Variants in PDE4B observed in about 807,000 individuals in gnomAD.
PDE4B encodes the protein 3',5'-cyclic-AMP phosphodiesterase 4B.
Under a neutral mutation model 82.2 loss-of-function variants are expected in PDE4B, and 20 were observed. The ratio of observed to expected loss-of-function variants is 0.24; its 90% CI spans 0.17 to 0.35. PDE4B has a LOEUF of 0.35. Ranked by LOEUF, PDE4B falls within the 10% of genes least tolerant of loss-of-function variation. The probability of loss-of-function intolerance (pLI) is 1.00; values close to 1 mark genes in which losing one functional copy is unlikely to be tolerated. For missense variants in PDE4B, 655 were observed against 907.2 expected, an observed-to-expected ratio of 0.72 and a Z score of 3.57; for synonymous variants, 320 against 318.9, an observed-to-expected ratio of 1.00 and a Z score of -0.04.
intron 3 of PDE4B, among the ~76,000 whole-genome samples, chr1:66,214,591 A>T (rs1484651740): frequency 6.6e-6 from 1 of 152,142 alleles, no homozygotes; most frequent in African/African-American, 2.4e-5. Flanking sequence ...GCCTTGCTTG[A>T]TCTGAACACC....
At chr1:66,080,334 G>A (rs1656658020) in intron 3 of PDE4B, among the ~76,000 whole-genome samples, 1 of 152,058 alleles carries the variant, frequency 6.6e-6, no homozygotes, top group African/African-American at 2.4e-5. Flanking sequence ...TGAAAACTGA[G>A]CAAATAAGAT....
At chr1:66,274,741 G>C (rs10493401) in intron 7 of PDE4B, among the ~76,000 whole-genome samples, 3,333 of 152,260 alleles carry the variant, frequency 0.022, 48 homozygotes, top group African/African-American at 0.041. Context: ...CCCAGTGTTA[G>C]TATTGGTGTT....
chr1:66,060,423 G>A (rs1228889056), intron 3 of PDE4B, among the ~76,000 whole-genome samples: 1 of 152,122 alleles, frequency 6.6e-6, no homozygotes, highest in Non-Finnish European at 1.5e-5. Context: ...CACTCTTTAT[G>A]TGCTTTCCAA....
intron 1 of PDE4B, among the ~76,000 whole-genome samples, chr1:65,825,739 T>TATCTATCTA (rs1553188319): frequency 2.0e-5 from 3 of 151,970 alleles, no homozygotes; most frequent in African/African-American, 7.2e-5. Context: ...TCTATCTATC[T>TATCTATCTA]ATCTATCTAT....
At chr1:66,207,381 A>T (rs559739811) in intron 3 of PDE4B, among the ~76,000 whole-genome samples, 45 of 152,312 alleles carry the variant, frequency 3.0e-4, no homozygotes, top group African/African-American at 1.1e-3. Flanking sequence ...CCAATTATTT[A>T]CATAGATGAT....
chr1:66,041,567 T>C (rs1654373484), intron 3 of PDE4B, among the ~76,000 whole-genome samples: 1 of 151,946 alleles, frequency 6.6e-6, no homozygotes, highest in South Asian at 2.1e-4. Context: ...AACTTACTTC[T>C]TCACTTGCCT....
intron 3 of PDE4B, among the ~76,000 whole-genome samples, chr1:65,969,532 C>T (rs1385423948): frequency 6.6e-6 from 1 of 152,112 alleles, no homozygotes; most frequent in Non-Finnish European, 1.5e-5. Flanking sequence ...ACTTGGTTAG[C>T]TTAGCAATGT....
In PDE4B at chr1:65,887,414, GT is replaced by G. The variant is rs34263724; in HGVS notation, c.-70-25807del. 3.9e-3 allele frequency among the ~76,000 whole-genome samples: 30 copies of G among 7,732 alleles called. 3 individuals are homozygous for G. The highest frequency in any genetic ancestry group is 0.011 in the African/African-American group (15 of 1,322). The allele number at this position is 7,732 out of a possible 152,430, so 5.1% of individuals were successfully genotyped here. The stretch of plus-strand genomic sequence containing the variant: ...TTTTCTTTCTTTTTCTTTTTCTTCT[GT>G]TTTTTTTTTTTTTTTTTTTTTTTAC... On this transcript the variant is annotated intron_variant, in intron 1 of 16. Coordinates refer to ENST00000341517, the MANE Select transcript of PDE4B (RefSeq NM_002600.4).
chr1:66,009,828 G>A (rs1351142774), intron 3 of PDE4B, among the ~76,000 whole-genome samples: 1 of 151,816 alleles, frequency 6.6e-6, no homozygotes, highest in Non-Finnish European at 1.5e-5. Flanking sequence ...GTTCTTTATA[G>A]CACCTGATGT....
rs147914275 is a variant in PDE4B at position 65,895,083 on chromosome 1, C to T, written c.-70-18162C>T. ...ATGTCTTTAAAAATATTGTACTGTACTTGAATGTTCATTGCAACTTTATAA... is the reference window on the plus strand; with the variant it reads ...ATGTCTTTAAAAATATTGTACTGTATTTGAATGTTCATTGCAACTTTATAA... On this transcript the variant is annotated intron_variant, in intron 1 of 16. Transcript: ENST00000341517. Among the ~76,000 whole-genome samples the T allele has an allele frequency of 6.9e-3, 1,044 of 152,174 alleles. 13 individuals carry two copies. Among genetic ancestry groups the T allele is most frequent in the African/African-American group, 0.023 (953 of 41,520 alleles).
chr1:66,090,621 A>ATATATATGTGTGTGTGTGTGTG, intron 3 of PDE4B, among the ~76,000 whole-genome samples: 3 of 122,734 alleles, frequency 2.4e-5, no homozygotes, highest in South Asian at 2.5e-4. Context: ...TATATAATAT[A>ATATATATGTGTGTGTGTGTGTG]TGTGTGTGTG....
chr1:66,358,692 A>T (rs900866640), intron 9 of PDE4B, among the ~76,000 whole-genome samples: 1 of 151,066 alleles, frequency 6.6e-6, no homozygotes, highest in South Asian at 2.1e-4. Context: ...AAAAAAAAAA[A>T]GTATTAACAG....
At chr1:65,920,970 T>C (rs1029377395) in intron 3 of PDE4B, among the ~76,000 whole-genome samples, 2 of 134,202 alleles carry the variant, frequency 1.5e-5, no homozygotes, top group Non-Finnish European at 3.2e-5. Flanking sequence ...TTTTTTTTTT[T>C]TTTTTTTTTT....
chr1:66,274,181 A>G (rs1183311124), intron 7 of PDE4B, among the ~76,000 whole-genome samples: 8 of 149,174 alleles, frequency 5.4e-5, no homozygotes, highest in Non-Finnish European at 1.0e-4. Context: ...TTTTTTTGAG[A>G]TAGAGTTTCA....
At chr1:65,854,637 T>C (rs1646371913) in intron 1 of PDE4B, among the ~76,000 whole-genome samples, 1 of 152,140 alleles carries the variant, frequency 6.6e-6, no homozygotes, top group Non-Finnish European at 1.5e-5. Flanking sequence ...TAAGTATTTA[T>C]ATTTATCATT....
chr1:65,968,790 G>C (rs186267393), intron 3 of PDE4B, among the ~76,000 whole-genome samples: 1 of 152,094 alleles, frequency 6.6e-6, no homozygotes, highest in African/African-American at 2.4e-5. Flanking sequence ...CGTATTTTTA[G>C]AGTACCAGAG....
intron 1 of PDE4B, among the ~76,000 whole-genome samples, chr1:65,840,631 C>T (rs74690510): frequency 0.047 from 7,146 of 152,208 alleles, 265 homozygotes; most frequent in Non-Finnish European, 0.069. Context: ...CATGAGCCAT[C>T]TCTTATGTTA....
At chr1:66,244,263 A>C (rs1295706865) in intron 3 of PDE4B, among the ~76,000 whole-genome samples, 1 of 152,162 alleles carries the variant, frequency 6.6e-6, no homozygotes, top group Non-Finnish European at 1.5e-5. Flanking sequence ...AGAGAAAAAA[A>C]TAAACTGCTA....
chr1:65,886,738 C>T (rs891156925), intron 1 of PDE4B, among the ~76,000 whole-genome samples: 2 of 152,094 alleles, frequency 1.3e-5, no homozygotes, highest in Admixed American at 1.3e-4. Context: ...CAGTAGTATT[C>T]TATCATGTAC....
Sources: gnomAD v4.1 joint callset for allele counts (sites outside exome capture counted in the v4.1 genomes callset) on GRCh38, gnomAD v4.1.1 for gene constraint, MANE v1.5 for transcripts, NCBI Gene and HGNC (gene_info 2026-07-23, HGNC 2026-07-21) for gene names.